TSNARE1: variants seen among roughly 807,000 people sequenced by gnomAD.
TSNARE1 encodes t-SNARE domain containing 1, also known as t-SNARE domain-containing protein 1.
Under a neutral mutation model 62.0 loss-of-function variants are expected in TSNARE1, and 49 were observed. The observed-to-expected ratio is 0.79, with a 90% CI of 0.63 to 1.00. TSNARE1 has a LOEUF of 1.00. Ranked by LOEUF, TSNARE1 falls within the 50% of genes least tolerant of loss-of-function variation. The probability of loss-of-function intolerance (pLI) is 0.00; values close to 1 mark genes in which losing one functional copy is unlikely to be tolerated. For synonymous variants in TSNARE1, 328 were observed against 294.4 expected (o/e 1.11, Z -1.17); for missense variants, 755 against 700.1 (o/e 1.08, Z -0.88).
At chr8:142,234,141 T>G (rs1817268804) in intron 12 of TSNARE1, among the ~76,000 whole-genome samples, 1 of 149,396 alleles carries the variant, frequency 6.7e-6, no homozygotes, top group Non-Finnish European at 1.5e-5. Context: ...TCAGGGAAGG[T>G]TCCAAGATGG....
intron 1 of TSNARE1, among the ~76,000 whole-genome samples, chr8:142,400,899 T>C (rs896693452): frequency 7.9e-5 from 12 of 152,114 alleles, no homozygotes; most frequent in African/African-American, 2.9e-4. Flanking sequence ...ACTGTGAGAG[T>C]AAACTGAGTA....
chr8:142,360,484 C>T (rs1377953643), intron 1 of TSNARE1, among the ~76,000 whole-genome samples: 1 of 152,158 alleles, frequency 6.6e-6, no homozygotes, highest in Admixed American at 6.5e-5. Flanking sequence ...GCCCGAGCTC[C>T]AGGGCTGCCT....
At chr8:142,321,859 T>C (rs1829530549) in intron 6 of TSNARE1, among the ~76,000 whole-genome samples, 1 of 152,164 alleles carries the variant, frequency 6.6e-6, no homozygotes, top group South Asian at 2.1e-4. Flanking sequence ...TCAATATCAA[T>C]ATCATGCAAT....
At chr8:142,249,161 C>T (rs1401225359) in intron 12 of TSNARE1, among the ~76,000 whole-genome samples, 1 of 152,262 alleles carries the variant, frequency 6.6e-6, no homozygotes, top group Non-Finnish European at 1.5e-5. Context: ...ATTGGCTTGA[C>T]CCCAATTTAT....
intron 6 of TSNARE1, among the ~76,000 whole-genome samples, chr8:142,322,305 AAAC>A (rs1407176487): frequency 1.3e-5 from 2 of 152,368 alleles, no homozygotes; most frequent in East Asian, 3.9e-4. Flanking sequence ...ATAAAAAACA[AAAC>A]AAACATCTAA....
At chr8:142,334,486 T>TG (rs1011960316) in intron 4 of TSNARE1, among the ~76,000 whole-genome samples, 17 of 104,724 alleles carry the variant, frequency 1.6e-4, no homozygotes, top group Admixed American at 7.9e-4. Flanking sequence ...ACACACAGGG[T>TG]GGGGGGGCAG....
At position 142,226,973 on chromosome 8, in the gene TSNARE1, G is replaced by C. The variant is rs532670031; in HGVS notation, c.*11+2500C>G. Among the ~76,000 whole-genome samples the C allele has an allele frequency of 9.9e-4, 124 of 125,690 alleles. 2 individuals are homozygous for C. In the Middle Eastern group the frequency reaches 0.023, roughly 23 times the overall value. The allele number at this position is 125,690 out of a possible 152,430, so 82.5% of individuals were successfully genotyped here. ...GGACCACCACTGCACCCACACGGCAGTGACAGCAAGGCCCCCCACTGCACC... is the reference window on the plus strand; with the variant it reads ...GGACCACCACTGCACCCACACGGCACTGACAGCAAGGCCCCCCACTGCACC... On this transcript the variant is annotated intron_variant, in intron 13 of 13. Coordinates refer to ENST00000524325, the MANE Select transcript of TSNARE1 (RefSeq NM_145003.5).
chr8:142,274,737 G>C (rs530700555), intron 12 of TSNARE1, 44 bp downstream of exon 12: 8 of 1,452,918 alleles, frequency 5.5e-6, no homozygotes, highest in Non-Finnish European at 7.3e-6. Context: ...GATAGGGGAC[G>C]GAGGCCGGGC....
intron 12 of TSNARE1, among the ~76,000 whole-genome samples, chr8:142,268,845 G>C (rs1819280131): frequency 6.6e-6 from 1 of 152,188 alleles, no homozygotes; most frequent in African/African-American, 2.4e-5. Flanking sequence ...AAAGACACCT[G>C]GACCTCTGAG....
Position 142,352,653 on chromosome 8 carries a change from T to C in TSNARE1, c.88+1984A>G, listed in dbSNP as rs150758149. ...CAACGTGGAGGCTCTCAGAACACGA[T>C]GCGTAAAAGCAGCACGACACGGAGC... On this transcript the variant is annotated intron_variant, in intron 2 of 13. Transcript: ENST00000524325. Among the ~76,000 whole-genome samples, 919 of 152,342 alleles carry C rather than the reference T, an allele frequency of 6.0e-3. 10 individuals carry two copies. The highest frequency in any genetic ancestry group is 0.021 in the African/African-American group (861 of 41,578).
At chr8:142,373,084 GTC>G (rs1253956339) in intron 1 of TSNARE1, among the ~76,000 whole-genome samples, 1 of 152,158 alleles carries the variant, frequency 6.6e-6, no homozygotes, top group African/African-American at 2.4e-5. Flanking sequence ...CCCTGAGTGG[GTC>G]TCTCTCTCGG....
In TSNARE1 at chr8:142,243,552, G is replaced by A. The variant is rs375602270; in HGVS notation, c.1447-13973C>T. Reference sequence around the variant, plus strand: ...TATACGTAAAATCTAAAAAAAACCTGAACTCACAGAAGCAGAGAGGGGGAT... The same window carrying A: ...TATACGTAAAATCTAAAAAAAACCTAAACTCACAGAAGCAGAGAGGGGGAT... On this transcript the variant is annotated intron_variant, in intron 12 of 13. Coordinates refer to ENST00000524325, the MANE Select transcript of TSNARE1 (RefSeq NM_145003.5). Among the ~76,000 whole-genome samples, 36 of 149,528 alleles carry A rather than the reference G, an allele frequency of 2.4e-4. No individual in the cohort carries two copies. In the South Asian group the frequency reaches 7.8e-3, roughly 33 times the overall value.
rs1012829547 is a variant in TSNARE1 at position 142,319,687 on chromosome 8, G to A, written c.894-1053C>T. On this transcript the variant is annotated intron_variant, in intron 6 of 13. Coordinates refer to ENST00000524325, the MANE Select transcript of TSNARE1 (RefSeq NM_145003.5). This position sits in a 1 kb window ranked among gnomAD's most constrained non-coding sequence, Gnocchi z 4.9. ...GGCCTTGGGGCCGACACGTGGGAGC[G>A]AGCCTGGCACCACCACTGCAGGCCA... Among the ~76,000 whole-genome samples, 1 of 152,096 alleles carries A rather than the reference G, an allele frequency of 6.6e-6. No individual in the cohort carries two copies. The highest frequency in any genetic ancestry group is 1.5e-5 in the Non-Finnish European group (1 of 68,008).
chr8:142,281,223 C>T (rs920538375), intron 11 of TSNARE1, among the ~76,000 whole-genome samples: 5 of 151,690 alleles, frequency 3.3e-5, no homozygotes, highest in African/African-American at 9.7e-5. Flanking sequence ...ACCAAAGGCC[C>T]GTGGGCACCA....
intron 7 of TSNARE1, among the ~76,000 whole-genome samples, chr8:142,317,937 G>A (rs1828836957): frequency 6.6e-6 from 1 of 152,180 alleles, no homozygotes; most frequent in East Asian, 1.9e-4. Context: ...CAGCCTGGGA[G>A]ACAGAGCAAG....
At chr8:142,237,562 A>C (rs556144990) in intron 12 of TSNARE1, among the ~76,000 whole-genome samples, 1 of 152,168 alleles carries the variant, frequency 6.6e-6, no homozygotes, top group Non-Finnish European at 1.5e-5. Context: ...TTCCTTATCA[A>C]TCGAACATTT....
At chr8:142,358,071 C>T (rs1587002510) in intron 1 of TSNARE1, among the ~76,000 whole-genome samples, 1 of 115,340 alleles carries the variant, frequency 8.7e-6, no homozygotes, top group Middle Eastern at 4.2e-3. Flanking sequence ...CTGCAAAGGG[C>T]GGCGGGGTCT....
At chr8:142,222,307 C>T (rs372774105) in intron 13 of TSNARE1, among the ~76,000 whole-genome samples, 851 of 35,958 alleles carry the variant, frequency 0.024, 292 homozygotes, top group Non-Finnish European at 0.044. Context: ...CATTCACTCA[C>T]TCACTCATCC....
rs62650735 is a variant in TSNARE1 at position 142,256,079 on chromosome 8, C to T, written c.1446+18702G>A. ...ATCACCACCACCATCACCATCACCA[C>T]CACCACCACCACTGTCAGCATCACC... On this transcript the variant is annotated intron_variant, in intron 12 of 13. Transcript: ENST00000524325. Among the ~76,000 whole-genome samples, 48 of 25,446 alleles carry T rather than the reference C, an allele frequency of 1.9e-3. 1 individual carries two copies. The highest frequency in any genetic ancestry group is 3.7e-3 in the Non-Finnish European group (25 of 6,732). 16.7% of individuals were successfully genotyped at this position (25,446 alleles called of 152,430 possible). A position where few individuals can be genotyped will look rare whatever the true frequency, so the allele number is the denominator to read the frequency against.
Sources: allele counts gnomAD v4.1 joint callset (sites outside exome capture counted in the v4.1 genomes callset), GRCh38; gene constraint gnomAD v4.1.1; non-coding constraint Gnocchi (gnomAD v3.1); transcripts MANE v1.5; gene names NCBI Gene and HGNC (gene_info 2026-07-23, HGNC 2026-07-21).